Variants in BRINP1 observed in about 807,000 individuals in gnomAD.
BRINP1 encodes BMP/retinoic acid-inducible neural-specific protein 1.
A neutral mutation model predicts 72.9 loss-of-function variants in BRINP1; 17 were observed. The observed-to-expected ratio is 0.23, with a 90% confidence interval of 0.16 to 0.35. The LOEUF is 0.35. BRINP1 is among the 10% of genes least tolerant of loss of function. The pLI is 1.00. For synonymous variants in BRINP1, 418 were observed against 378.5 expected (o/e 1.10, Z -1.21); for missense variants, 850 against 1,001.6 (o/e 0.85, Z 2.04).
intron 1 of BRINP1, among the ~76,000 whole-genome samples, chr9:119,357,575 T>C (rs947770661): frequency 1.3e-5 from 2 of 152,182 alleles, no homozygotes; most frequent in Admixed American, 6.5e-5. Context: ...ATTACTATTT[T>C]AAGAGGCTAT....
chr9:119,348,748 T>C (rs1451376850), intron 1 of BRINP1, among the ~76,000 whole-genome samples: 2 of 152,348 alleles, frequency 1.3e-5, no homozygotes, highest in Non-Finnish European at 1.5e-5. Context: ...TGGTGTCATA[T>C]GTGTGGGCTT....
chr9:119,214,795 G>A (rs1380483936), intron 5 of BRINP1, among the ~76,000 whole-genome samples: 1 of 152,126 alleles, frequency 6.6e-6, no homozygotes, highest in Non-Finnish European at 1.5e-5. Context: ...TGGGCTGGTT[G>A]AAAAGCAAGT....
At chr9:119,306,416 G>A (rs1010450904) in intron 2 of BRINP1, among the ~76,000 whole-genome samples, 4 of 152,112 alleles carry the variant, frequency 2.6e-5, no homozygotes, top group Non-Finnish European at 5.9e-5. Context: ...TGGATTAAGC[G>A]AGGGATGTAT....
At chr9:119,197,072 T>G (rs758450821) in intron 7 of BRINP1, among the ~76,000 whole-genome samples, 8 of 152,160 alleles carry the variant, frequency 5.3e-5, no homozygotes, top group Non-Finnish European at 8.8e-5. Flanking sequence ...TTCACTGAAT[T>G]TGTGGTCAAG....
At chr9:119,352,408 T>C (rs1455972650) in intron 1 of BRINP1, among the ~76,000 whole-genome samples, 1 of 152,208 alleles carries the variant, frequency 6.6e-6, no homozygotes, top group East Asian at 1.9e-4. Context: ...TTTCATTTCA[T>C]GATTCTATGA....
intron 2 of BRINP1, among the ~76,000 whole-genome samples, chr9:119,286,008 A>G (rs932587093): frequency 1.3e-5 from 2 of 152,124 alleles, no homozygotes; most frequent in Non-Finnish European, 2.9e-5. Flanking sequence ...TTCTCCCCCA[A>G]TTATCAGCAT....
At chr9:119,225,132 T>C (rs1830076699) in intron 5 of BRINP1, among the ~76,000 whole-genome samples, 1 of 152,030 alleles carries the variant, frequency 6.6e-6, no homozygotes, top group Non-Finnish European at 1.5e-5. Flanking sequence ...GAAACAACCC[T>C]AAATGTCCAC....
rs994372550 is a variant in BRINP1 at position 119,356,711 on chromosome 9, A to C, written c.-51+12345T>G. Among the ~76,000 whole-genome samples the C allele has an allele frequency of 1.1e-4, 17 of 152,000 alleles. 1 individual carries two copies. The highest frequency in any genetic ancestry group is 4.1e-4 in the African/African-American group (17 of 41,368). ...TCCCAGCTACTCAGGAGGCTGAGGC[A>C]ATAGAATCGCTTGAACCTGGGAGGC... On this transcript the variant is annotated intron_variant, in intron 1 of 7. Transcript: ENST00000265922.
intron 2 of BRINP1, among the ~76,000 whole-genome samples, chr9:119,272,038 A>C (rs1004274679): frequency 6.6e-6 from 1 of 151,204 alleles, no homozygotes; most frequent in Non-Finnish European, 1.5e-5. Context: ...GCTTTTCACA[A>C]AAAAGTGGGA....
At chr9:119,209,845 T>C (rs1485187628) in intron 6 of BRINP1, among the ~76,000 whole-genome samples, 2 of 152,154 alleles carry the variant, frequency 1.3e-5, no homozygotes, top group African/African-American at 4.8e-5. Context: ...AGAACTGAAA[T>C]GGATCAACTT....
intron 2 of BRINP1, among the ~76,000 whole-genome samples, chr9:119,300,445 T>A (rs973742441): frequency 6.6e-6 from 1 of 152,204 alleles, no homozygotes; most frequent in Non-Finnish European, 1.5e-5. Context: ...GTGATTACTA[T>A]GCATTGCATA....
Position 119,313,334 on chromosome 9 carries a change from G to T in BRINP1, c.22C>A (p.Leu8Ile), listed in dbSNP as rs770235448. 10 of 1,613,796 alleles carry T rather than the reference G, an allele frequency of 6.2e-6. No individual in the cohort carries two copies. The East Asian group carries it at 2.2e-4, about 36-fold the overall frequency. Residue 8 changes from leucine (L) to isoleucine (I), a missense_variant, in exon 2 of 8, where the codon CTC (leucine) becomes ATC (isoleucine). Physicochemically the swap from Leu to Ile is conservative, Grantham distance 5. Transcript: ENST00000265922. MNWRFVE[L>I]LYFLFIWGRI... ...CCCCATATAAACAGGAAGTAGAGGA[G>T]CTCAACAAACCTCCAGTTCATGCTT...
intron 7 of BRINP1, among the ~76,000 whole-genome samples, chr9:119,200,437 C>G (rs1299668831): frequency 6.6e-6 from 1 of 151,824 alleles, no homozygotes; most frequent in Non-Finnish European, 1.5e-5. Context: ...ACATGGGCAA[C>G]ATACTGAGGC....
At chr9:119,297,842 T>C (rs989539347) in intron 2 of BRINP1, among the ~76,000 whole-genome samples, 3 of 151,980 alleles carry the variant, frequency 2.0e-5, no homozygotes, top group Non-Finnish European at 4.4e-5. Flanking sequence ...AATAAAATAA[T>C]AACAAATGCA....
intron 5 of BRINP1, among the ~76,000 whole-genome samples, chr9:119,216,807 G>A (rs1254112430): frequency 6.6e-6 from 1 of 152,134 alleles, no homozygotes; most frequent in East Asian, 1.9e-4. Flanking sequence ...ATAGAAAATT[G>A]CGTCAAATCA....
intron 5 of BRINP1, among the ~76,000 whole-genome samples, chr9:119,224,953 C>T (rs1234938752): frequency 6.6e-6 from 1 of 151,992 alleles, no homozygotes; most frequent in Non-Finnish European, 1.5e-5. Flanking sequence ...ATAATGAAAT[C>T]TGCCACAAAA....
intron 1 of BRINP1, among the ~76,000 whole-genome samples, chr9:119,342,725 G>T (rs1279562905): frequency 2.0e-5 from 3 of 152,182 alleles, no homozygotes; most frequent in Non-Finnish European, 2.9e-5. Context: ...AATGGCATTT[G>T]TGATGGCCAG....
chr9:119,189,367 T>C (rs188432341), intron 7 of BRINP1, among the ~76,000 whole-genome samples: 1 of 152,124 alleles, frequency 6.6e-6, no homozygotes. Context: ...TCAAAAGACA[T>C]AGAGTGGCTG....
At chr9:119,258,534 T>C (rs1830467625) in intron 2 of BRINP1, among the ~76,000 whole-genome samples, 1 of 152,274 alleles carries the variant, frequency 6.6e-6, no homozygotes, top group East Asian at 1.9e-4. Context: ...TGCCTTGCCA[T>C]ACAGAATCCA....
Sources: gnomAD v4.1 joint callset for allele counts (sites outside exome capture counted in the v4.1 genomes callset) on GRCh38, gnomAD v4.1.1 for gene constraint, MANE v1.5 for transcripts, NCBI Gene and HGNC (gene_info 2026-07-23, HGNC 2026-07-21) for gene names.